SFMBT1: variants seen among roughly 807,000 people sequenced by gnomAD.
SFMBT1 encodes the protein scm-like with four MBT domains protein 1.
A neutral mutation model predicts 108.7 loss-of-function variants in SFMBT1; 32 were observed. That is an observed-to-expected ratio of 0.29 (90% CI 0.22 to 0.40). The LOEUF (loss-of-function observed/expected upper bound fraction) is 0.40. Ranked by LOEUF, SFMBT1 falls within the 10% of genes least tolerant of loss-of-function variation. The pLI, the probability that SFMBT1 is intolerant of heterozygous loss-of-function variation, is 1.00. For missense variants in SFMBT1, 816 were observed against 1,059.6 expected, an observed-to-expected ratio of 0.77 and a Z score of 3.19; for synonymous variants, 348 against 369.5, an observed-to-expected ratio of 0.94 and a Z score of 0.67.
intron 3 of SFMBT1, among the ~76,000 whole-genome samples, chr3:52,945,402 T>C (rs1048064755): frequency 6.6e-6 from 1 of 151,624 alleles, no homozygotes; most frequent in Non-Finnish European, 1.5e-5. Flanking sequence ...TCCACACTGA[T>C]ATAAATTAGG....
intron 1 of SFMBT1, among the ~76,000 whole-genome samples, chr3:53,029,065 C>G (rs1489958692): frequency 3.4e-5 from 5 of 148,608 alleles, no homozygotes; most frequent in Admixed American, 6.8e-5. Context: ...CCCAGCTACT[C>G]GGGAGGCTGA....
At chr3:52,948,538 T>C (rs1703454545) in intron 3 of SFMBT1, among the ~76,000 whole-genome samples, 1 of 152,074 alleles carries the variant, frequency 6.6e-6, no homozygotes, top group Non-Finnish European at 1.5e-5. Flanking sequence ...ATCTTTACAA[T>C]AGTGACTCTC....
At chr3:52,916,409 C>T (rs557671407) in intron 13 of SFMBT1, among the ~76,000 whole-genome samples, 195 bp from the exon 14 acceptor site, 4 of 146,716 alleles carry the variant, frequency 2.7e-5, no homozygotes, top group Admixed American at 2.1e-4. Flanking sequence ...CGGTGGCTCA[C>T]GCGTAATCCC....
At chr3:53,011,271 G>A (rs1698933566) in intron 1 of SFMBT1, among the ~76,000 whole-genome samples, 1 of 152,178 alleles carries the variant, frequency 6.6e-6, no homozygotes, top group Non-Finnish European at 1.5e-5. Flanking sequence ...AGGCCAAGCA[G>A]CATGCAAAGG....
At position 52,954,427 on chromosome 3, in the gene SFMBT1, A is replaced by G. The variant is rs903492253; in HGVS notation, c.29-16T>C. ...GAGCCGGCATCTAGAATTAAAAATA[A>G]AACAAAAACAGGTGAATCCCAATTA... On this transcript the variant is annotated splice_polypyrimidine_tract_variant and intron_variant, in intron 2 of 20. Transcript: ENST00000394752. 1.9e-6 allele frequency: 3 copies of G among 1,580,972 alleles called. No homozygotes were observed. The highest frequency in any genetic ancestry group is 2.6e-6 in the Non-Finnish European group (3 of 1,155,114).
intron 1 of SFMBT1, among the ~76,000 whole-genome samples, chr3:52,995,460 G>A (rs1200785952): frequency 3.3e-5 from 5 of 150,244 alleles, no homozygotes; most frequent in African/African-American, 1.2e-4. Context: ...CACGATCACT[G>A]CTCACTGCAG....
intron 19 of SFMBT1, 66 bp from the exon 20 acceptor site, chr3:52,906,307 C>G: frequency 6.2e-7 from 1 of 1,608,986 alleles, no homozygotes; most frequent in Non-Finnish European, 8.5e-7. Flanking sequence ...AAAAGTCTCT[C>G]TACCTAAATT....
At chr3:52,939,907 T>A (rs1270406373) in intron 4 of SFMBT1, among the ~76,000 whole-genome samples, 1 of 152,116 alleles carries the variant, frequency 6.6e-6, no homozygotes, top group Non-Finnish European at 1.5e-5. Context: ...TTCCCTTTTT[T>A]AATCCTTTCA....
chr3:52,998,916 C>T (rs1480065279), intron 1 of SFMBT1, among the ~76,000 whole-genome samples: 1 of 150,694 alleles, frequency 6.6e-6, no homozygotes, highest in Admixed American at 6.7e-5. Context: ...GGCTGGCACC[C>T]GCAGAGCTGC....
intron 19 of SFMBT1, 79 bp from the exon 20 acceptor site, chr3:52,906,320 T>C: frequency 6.2e-7 from 1 of 1,602,976 alleles, no homozygotes; most frequent in Non-Finnish European, 8.5e-7. Context: ...CCTAAATTCA[T>C]AATCTTTCAA....
At chr3:52,931,113 A>T in intron 6 of SFMBT1, 78 bp from the exon 7 acceptor site, 2 of 1,334,578 alleles carry the variant, frequency 1.5e-6, no homozygotes, top group Non-Finnish European at 2.1e-6. Flanking sequence ...ATTCACATAA[A>T]CAAAAACAAG....
At chr3:52,922,108 T>G (rs185391388) in intron 10 of SFMBT1, among the ~76,000 whole-genome samples, 50 of 152,316 alleles carry the variant, frequency 3.3e-4, no homozygotes, top group African/African-American at 1.2e-3. Context: ...TTTGCCTCAG[T>G]TTCTTCACCT....
chr3:52,931,254 C>T (rs1702849559), intron 6 of SFMBT1, among the ~76,000 whole-genome samples: 1 of 152,176 alleles, frequency 6.6e-6, no homozygotes, highest in Non-Finnish European at 1.5e-5. Context: ...AAAATACCTA[C>T]AGTAAGATCA....
chr3:52,939,702 A>G (rs952490824), intron 4 of SFMBT1, among the ~76,000 whole-genome samples: 1 of 152,166 alleles, frequency 6.6e-6, no homozygotes, highest in African/African-American at 2.4e-5. Context: ...TAGCTGTATA[A>G]GGTGTTTCTC....
intron 1 of SFMBT1, among the ~76,000 whole-genome samples, chr3:53,024,778 C>T (rs538314541): frequency 3.8e-4 from 58 of 152,258 alleles, no homozygotes; most frequent in Middle Eastern, 3.4e-3. Context: ...GGAAATCATA[C>T]AACAGAAACT....
intron 6 of SFMBT1, 85 bp downstream of exon 6, chr3:52,931,977 T>C (rs1702873287): frequency 7.0e-7 from 1 of 1,433,212 alleles, no homozygotes; most frequent in Non-Finnish European, 9.4e-7. Context: ...TTTCATAATA[T>C]GCAGAATATA....
Position 52,911,107 on chromosome 3 carries a change from C to A in SFMBT1, c.1802G>T (p.Arg601Leu). The change falls in exon 17 of 21, where the codon CGG becomes CTG. Residue 601 changes from arginine to leucine, a missense_variant. Arg to Leu is a moderately radical substitution (Grantham distance 102). Around this residue, in one of 5 missense-constraint regions of SFMBT1, gnomAD observed 79 missense variants for 120.8 expected, o/e 0.65. Transcript: ENST00000394752. ...KTADRVTEFC[R>L]QTCIKLECCP... ...GCATTCCAGTTTGATACAGGTTTGC[C>A]GGCAGAATTCAGTCACCCGATCTGC... The A allele has an allele frequency of 6.2e-7, 1 of 1,614,104 alleles. No homozygotes were observed. The highest frequency in any genetic ancestry group is 1.3e-5 in the African/African-American group (1 of 75,034).
At chr3:52,916,379 TA>T (rs1286102057) in intron 13 of SFMBT1, among the ~76,000 whole-genome samples, 165 bp from the exon 14 acceptor site, 2,130 of 77,832 alleles carry the variant, frequency 0.027, 49 homozygotes, top group African/African-American at 0.072. Flanking sequence ...TTTTTTTTTT[TA>T]AAAGAACAAG....
chr3:52,947,828 G>A (rs143559541), intron 3 of SFMBT1, among the ~76,000 whole-genome samples: 1,811 of 151,424 alleles, frequency 0.012, 42 homozygotes, highest in African/African-American at 0.042. Context: ...TCTGCCTCCC[G>A]GGCTCAAGTG....
Sources: gnomAD v4.1 joint callset for allele counts (sites outside exome capture counted in the v4.1 genomes callset) on GRCh38, gnomAD v4.1.1 for gene constraint, gnomAD v4.1.1 regional missense constraint, MANE v1.5 for transcripts, NCBI Gene and HGNC (gene_info 2026-07-23, HGNC 2026-07-21) for gene names.